The following ATP5MK variants were observed in gnomAD, a reference collection of about 807,000 sequenced individuals.
ATP5MK encodes the protein ATP synthase F(0) complex subunit k, mitochondrial.
In ATP5MK, 5 loss-of-function variants were observed where a neutral mutation model predicts 6.6. That is an observed-to-expected ratio of 0.76 (90% CI 0.40 to 1.60). The LOEUF (loss-of-function observed/expected upper bound fraction) is 1.60, where lower values mean the gene tolerates loss of function less well. ATP5MK is among the 40% of genes most tolerant of loss of function. The probability of loss-of-function intolerance (pLI) is 0.02; values close to 1 mark genes in which losing one functional copy is unlikely to be tolerated. For synonymous variants in ATP5MK, 30 were observed against 24.5 expected (o/e 1.22, Z -0.66); for missense variants, 57 against 66.6 (o/e 0.86, Z 0.50).
chr10:103,394,982 T>A (rs991530550), intron 2 of ATP5MK, among the ~76,000 whole-genome samples: 1 of 152,106 alleles, frequency 6.6e-6, no homozygotes, highest in Non-Finnish European at 1.5e-5. Flanking sequence ...GGAAGGCTGA[T>A]GTTTTGTGAT....
At chr10:103,389,411 G>A (rs1017353382) in intron 4 of ATP5MK, among the ~76,000 whole-genome samples, 5 of 150,790 alleles carry the variant, frequency 3.3e-5, no homozygotes, top group African/African-American at 7.3e-5. Context: ...CAACCTCCGC[G>A]TCCCAGGTTC....
In ATP5MK at chr10:103,392,243, A is replaced by G; in HGVS notation, c.128T>C (p.Leu43Ser). Residue 43 changes from leucine to serine, a missense_variant, in exon 4 of 5, where the codon TTA becomes TCA. Leu to Ser is a moderately radical substitution (Grantham distance 145). Transcript: ENST00000369815. The part of the protein sequence containing the change: ...ATYGSIALIV[L>S]YFKLRSKKTP... The stretch of plus-strand genomic sequence containing the variant: ...TTTTTTGGACCTTAACTTGAAATAT[A>G]AGACAATCAATGCAATGCTTCCATA... The G allele has an allele frequency of 1.2e-6, 2 of 1,613,744 alleles. No individual in the cohort carries two copies. Among genetic ancestry groups the G allele is most frequent in the Non-Finnish European group, 1.7e-6 (2 of 1,179,912 alleles).
At chr10:103,393,606 A>T (rs1264581261) in intron 2 of ATP5MK, among the ~76,000 whole-genome samples, 1 of 151,854 alleles carries the variant, frequency 6.6e-6, no homozygotes, top group Non-Finnish European at 1.5e-5. Context: ...AATAAATAAA[A>T]AATAAATAAA....
At chr10:103,394,156 A>C in intron 2 of ATP5MK, 1 of 356,104 alleles carries the variant, frequency 2.8e-6, no homozygotes, top group Non-Finnish European at 6.0e-6. Context: ...ATTAAAAAAA[A>C]CTCTGGAAGA....
chr10:103,395,410 G>A (rs544728811), intron 2 of ATP5MK, among the ~76,000 whole-genome samples: 15 of 152,312 alleles, frequency 9.8e-5, no homozygotes, highest in Admixed American at 7.8e-4. Flanking sequence ...CGGTTCTCCT[G>A]CCTCAGCCTC....
rs1347545995 is a variant in ATP5MK, at chr10:103,395,847, T to C, written c.-111A>G. Reference sequence around the variant, plus strand: ...ATTCACGGAGTTTACAGCTCTCTGTTCTGGTTACCTCCTAGGAAAGGCCTT... The same window carrying C: ...ATTCACGGAGTTTACAGCTCTCTGTCCTGGTTACCTCCTAGGAAAGGCCTT... On this transcript the variant is annotated 5_prime_UTR_variant, in exon 2 of 5. Coordinates refer to ENST00000369815, the MANE Select transcript of ATP5MK (RefSeq NM_001206427.2). The C allele has an allele frequency of 6.6e-6, 1 of 152,156 alleles. No homozygotes were observed. The highest frequency in any genetic ancestry group is 1.5e-5 in the Non-Finnish European group (1 of 67,974). 9.4% of individuals were successfully genotyped at this position (152,156 alleles called of 1,614,324 possible). A position where few individuals can be genotyped will look rare whatever the true frequency, so the allele number is the denominator to read the frequency against.
At chr10:103,391,153 T>G (rs1187534501) in intron 4 of ATP5MK, among the ~76,000 whole-genome samples, 2 of 152,206 alleles carry the variant, frequency 1.3e-5, no homozygotes, top group Admixed American at 6.5e-5. Context: ...AACACAATTT[T>G]TTTTACTCAT....
In ATP5MK at chr10:103,392,293, A is replaced by G. The variant is rs771802759; in HGVS notation, c.88-10T>C. The G allele has an allele frequency of 6.2e-7, 1 of 1,603,836 alleles. No individual in the cohort carries two copies. The highest frequency in any genetic ancestry group is 1.7e-5 in the Admixed American group (1 of 57,346). Reference sequence around the variant, plus strand: ...ATGTGGCCAGTACACACTGAGAAAGAAAGAAAAAAGTAAACAAGACTTGTT... The same window carrying G: ...ATGTGGCCAGTACACACTGAGAAAGGAAGAAAAAAGTAAACAAGACTTGTT... On this transcript the variant is annotated splice_polypyrimidine_tract_variant and intron_variant, in intron 3 of 4. Transcript: ENST00000369815.
In ATP5MK at chr10:103,392,260, G is replaced by A. The variant is rs1317032356; in HGVS notation, c.111C>T (p.Ser37=). ...TGAAATATAAGACAATCAATGCAATGCTTCCATATGTGGCCAGTACACACT... is the reference window on the plus strand; with the variant it reads ...TGAAATATAAGACAATCAATGCAATACTTCCATATGTGGCCAGTACACACT... ...RMNCVLATYG[S]IALIVLYFKL... is the part of the protein sequence containing the mutation. The change falls in exon 4 of 5, where the codon AGC becomes AGT. Residue 37 remains serine, a synonymous_variant. Transcript: ENST00000369815. 6.2e-7 allele frequency: 1 copy of A among 1,613,380 alleles called. No homozygotes were observed. The highest frequency in any genetic ancestry group is 1.7e-4 in the Middle Eastern group (1 of 6,052).
At chr10:103,394,917 GC>G (rs2133652610) in intron 2 of ATP5MK, among the ~76,000 whole-genome samples, 1 of 152,060 alleles carries the variant, frequency 6.6e-6, no homozygotes, top group Admixed American at 6.6e-5. Context: ...AGGAGGATAT[GC>G]CCAACAATAC....
intron 2 of ATP5MK, among the ~76,000 whole-genome samples, chr10:103,393,402 A>C: frequency 6.6e-6 from 1 of 151,990 alleles, no homozygotes; most frequent in East Asian, 1.9e-4. Context: ...AACACGGTGA[A>C]ACCCTGTCTC....
At chr10:103,390,704 T>C (rs2093411920) in intron 4 of ATP5MK, among the ~76,000 whole-genome samples, 1 of 151,586 alleles carries the variant, frequency 6.6e-6, no homozygotes, top group African/African-American at 2.4e-5. Context: ...GGCAGGAGAA[T>C]TGTTTGAACC....
chr10:103,390,911 G>A (rs1042866054), intron 4 of ATP5MK, among the ~76,000 whole-genome samples: 1 of 152,076 alleles, frequency 6.6e-6, no homozygotes, highest in Non-Finnish European at 1.5e-5. Flanking sequence ...GGGGGTTGGA[G>A]GATTATAAGA....
intron 4 of ATP5MK, among the ~76,000 whole-genome samples, chr10:103,391,902 C>A (rs769865890): frequency 6.6e-6 from 1 of 152,022 alleles, no homozygotes; most frequent in Non-Finnish European, 1.5e-5. Context: ...GCCTCCTGGA[C>A]TTAAGCAGTT....
chr10:103,391,101 C>G (rs1366658801), intron 4 of ATP5MK, among the ~76,000 whole-genome samples: 2 of 152,076 alleles, frequency 1.3e-5, no homozygotes, highest in South Asian at 2.1e-4. Context: ...AAGAAAAATG[C>G]AAACAGTAAA....
At position 103,395,952 on chromosome 10, in the gene ATP5MK, C is replaced by T. The variant is rs1396983353; in HGVS notation, c.-216G>A. The T allele has an allele frequency of 6.6e-6, 1 of 152,262 alleles. No individual in the cohort carries two copies. The highest frequency in any genetic ancestry group is 6.5e-5 in the Admixed American group (1 of 15,284). 9.4% of individuals were successfully genotyped at this position (152,262 alleles called of 1,614,324 possible). A position where few individuals can be genotyped will look rare whatever the true frequency, so the allele number is the denominator to read the frequency against. ...CTGTAGGGGCCGGGCCACATTCACT[C>T]GCTTTGAAAAAGGCTGCAGCGCACC... On this transcript the variant is annotated 5_prime_UTR_variant, in exon 2 of 5. Coordinates refer to ENST00000369815, the MANE Select transcript of ATP5MK (RefSeq NM_001206427.2).
In ATP5MK at chr10:103,396,044, CAGAA is replaced by C. The variant is rs1282020303; in HGVS notation, c.-296-16_-296-13del. The C allele has an allele frequency of 6.6e-6, 1 of 152,296 alleles. No individual in the cohort carries two copies. Among genetic ancestry groups the C allele is most frequent in the Non-Finnish European group, 1.5e-5 (1 of 68,094 alleles). 9.4% of individuals were successfully genotyped at this position (152,296 alleles called of 1,614,324 possible). ...GTGGGAACAAACAGCTATGGACATA[CAGAA>C]GAAAAGAGGTTAATTCGGCCGGTGA... is the stretch of plus-strand genomic sequence containing the variant. On this transcript the variant is annotated splice_polypyrimidine_tract_variant and intron_variant, in intron 1 of 4. Coordinates refer to ENST00000369815, the MANE Select transcript of ATP5MK (RefSeq NM_001206427.2).
intron 2 of ATP5MK, among the ~76,000 whole-genome samples, chr10:103,393,303 C>T (rs2093419887): frequency 6.6e-6 from 1 of 152,102 alleles, no homozygotes; most frequent in South Asian, 2.1e-4. Flanking sequence ...TAAAACCAGC[C>T]TGGCACGGTG....
intron 4 of ATP5MK, among the ~76,000 whole-genome samples, chr10:103,391,138 C>CA (rs1175198090): frequency 3.9e-5 from 6 of 151,924 alleles, no homozygotes; most frequent in African/African-American, 1.5e-4. Flanking sequence ...CTTCAAAAAG[C>CA]AAAAAACACA....
Sources: gnomAD v4.1 joint callset for allele counts (sites outside exome capture counted in the v4.1 genomes callset) on GRCh38, gnomAD v4.1.1 for gene constraint, MANE v1.5 for transcripts, NCBI Gene and HGNC (gene_info 2026-07-23, HGNC 2026-07-21) for gene names.